ARHGAP35: variants seen among roughly 807,000 people sequenced by gnomAD.
ARHGAP35 encodes the protein Rho GTPase activating protein 35, also known as rho GTPase-activating protein 35.
In ARHGAP35, 15 loss-of-function variants were observed where a neutral mutation model predicts 111.1. That is an observed-to-expected ratio of 0.13 (90% CI 0.09 to 0.21). The LOEUF is 0.21. Ranked by LOEUF, ARHGAP35 falls within the 10% of genes least tolerant of loss-of-function variation. The pLI is 1.00. For synonymous variants in ARHGAP35, 643 were observed against 710.3 expected (o/e 0.91, Z 1.51); for missense variants, 1,262 against 1,873.0 (o/e 0.67, Z 6.02).
chr19:46,930,842 G>T (rs2056268574), intron 2 of ARHGAP35, among the ~76,000 whole-genome samples: 1 of 151,898 alleles, frequency 6.6e-6, no homozygotes, highest in Non-Finnish European at 1.5e-5. Context: ...TAGATTGGAA[G>T]TTCATTGAGG....
At chr19:46,887,157 C>A (rs1027543504) in intron 1 of ARHGAP35, among the ~76,000 whole-genome samples, 1 of 151,504 alleles carries the variant, frequency 6.6e-6, no homozygotes, top group African/African-American at 2.4e-5. Flanking sequence ...ACCTTCTACT[C>A]GTTACTGAAA....
At chr19:46,905,212 T>G (rs1427761830) in intron 1 of ARHGAP35, among the ~76,000 whole-genome samples, 1 of 152,124 alleles carries the variant, frequency 6.6e-6, no homozygotes, top group East Asian at 1.9e-4. Flanking sequence ...TTGAACTTCT[T>G]AAAAACAAAA....
chr19:46,999,483 G>A lies in ARHGAP35; in HGVS notation c.4142+74G>A, dbSNP rs2056734145. ...CCAGGGTCAGTGTGTCGCAGAACAA[G>A]GCTCTGTCCACAAGCCAGTAGAAGC... On this transcript the variant is annotated intron_variant, in intron 6 of 6. Transcript: ENST00000672722. This position sits in a 1 kb window ranked among gnomAD's most constrained non-coding sequence, Gnocchi z 5.4. 6.7e-6 allele frequency: 7 copies of A among 1,038,046 alleles called. No homozygotes were observed. In the South Asian group the frequency reaches 8.8e-5, roughly 13 times the overall value. The allele number at this position is 1,038,046 out of a possible 1,614,324, so 64.3% of individuals were successfully genotyped here.
At chr19:46,888,581 C>G (rs1443525916) in intron 1 of ARHGAP35, among the ~76,000 whole-genome samples, 1 of 151,214 alleles carries the variant, frequency 6.6e-6, no homozygotes, top group Non-Finnish European at 1.5e-5. Flanking sequence ...TCCCAGGGGT[C>G]CAATTTAGGA....
rs2056193015 is a variant in ARHGAP35, at chr19:46,920,638, A to G, written c.1963A>G (p.Thr655Ala). 46 of 1,614,034 alleles carry G rather than the reference A, an allele frequency of 2.9e-5. No homozygotes were observed. Among genetic ancestry groups the G allele is most frequent in the Non-Finnish European group, 3.9e-5 (46 of 1,179,898 alleles). Residue 655 changes from threonine (T) to alanine (A), a missense_variant, in exon 2 of 7, where the codon ACA becomes GCA. Physicochemically the swap from Thr to Ala is moderately conservative, Grantham distance 58 (BLOSUM62 0). Transcript: ENST00000672722. The surrounding 1 kb of genome is among the most constrained non-coding windows in gnomAD (Gnocchi z 7.0). ...RLPVNSFQTP[T>A]FQPHGCLCLY... Reference sequence around the variant, plus strand: ...TCCTGTGAACTCTTTCCAGACGCCAACATTTCAGCCCCACGGCTGTCTCTG... The same window carrying G: ...TCCTGTGAACTCTTTCCAGACGCCAGCATTTCAGCCCCACGGCTGTCTCTG...
chr19:46,990,937 C>T (rs1051683127), intron 5 of ARHGAP35, among the ~76,000 whole-genome samples: 2 of 152,198 alleles, frequency 1.3e-5, no homozygotes, highest in Admixed American at 6.5e-5. Context: ...TGTCCACACT[C>T]TCTTAGCTGA....
chr19:46,866,651 C>T (rs910167516), intron 1 of ARHGAP35, among the ~76,000 whole-genome samples: 13 of 152,206 alleles, frequency 8.5e-5, no homozygotes, highest in Non-Finnish European at 1.8e-4. Context: ...TCTCACCTGC[C>T]AATCCCCAAC....
intron 3 of ARHGAP35, among the ~76,000 whole-genome samples, chr19:46,970,681 C>G (rs959563908): frequency 1.3e-5 from 2 of 152,076 alleles, no homozygotes; most frequent in Non-Finnish European, 2.9e-5. Context: ...CAAGCCAGGA[C>G]GATGATGCAG....
chr19:46,864,609 G>C (rs1479341916), intron 1 of ARHGAP35, among the ~76,000 whole-genome samples: 3 of 152,154 alleles, frequency 2.0e-5, no homozygotes, highest in Non-Finnish European at 4.4e-5. Context: ...TCAAATATTA[G>C]GGCATTTGTA....
At chr19:46,983,867 G>A (rs906576841) in intron 3 of ARHGAP35, among the ~76,000 whole-genome samples, 1 of 151,772 alleles carries the variant, frequency 6.6e-6, no homozygotes, top group African/African-American at 2.4e-5. Context: ...CGCCCGCCTC[G>A]GCCTCCCAAA....
intron 2 of ARHGAP35, among the ~76,000 whole-genome samples, chr19:46,933,661 A>G (rs2056286776): frequency 1.3e-5 from 2 of 152,168 alleles, no homozygotes; most frequent in South Asian, 2.1e-4. Context: ...AGTGCTTGTA[A>G]AGAATTTATA....
intron 3 of ARHGAP35, among the ~76,000 whole-genome samples, chr19:46,953,869 C>G (rs555091262): frequency 6.6e-6 from 1 of 152,298 alleles, no homozygotes; most frequent in East Asian, 1.9e-4. Flanking sequence ...CACACGGTGT[C>G]GTGCCTCTGC....
intron 3 of ARHGAP35, chr19:46,946,449 C>A (rs1052386307): frequency 6.6e-6 from 1 of 152,248 alleles, no homozygotes; most frequent in Non-Finnish European, 1.5e-5. Context: ...TGCATAAAAT[C>A]CGGTGGCAGA....
At chr19:46,959,205 C>T (rs1471907218) in intron 3 of ARHGAP35, among the ~76,000 whole-genome samples, 4 of 151,990 alleles carry the variant, frequency 2.6e-5, no homozygotes, top group Non-Finnish European at 5.9e-5. Context: ...GTAGGGGCTA[C>T]AGGCATGCAC....
intron 1 of ARHGAP35, among the ~76,000 whole-genome samples, chr19:46,912,813 G>C (rs1334630564): frequency 6.7e-6 from 1 of 150,328 alleles, no homozygotes; most frequent in Non-Finnish European, 1.5e-5. Flanking sequence ...CCCCAACTGA[G>C]TCTTTTCAAG....
At chr19:46,998,535 A>C (rs1037400704) in intron 5 of ARHGAP35, among the ~76,000 whole-genome samples, 1 of 152,222 alleles carries the variant, frequency 6.6e-6, no homozygotes, top group African/African-American at 2.4e-5. Context: ...GCCACAGCTC[A>C]GGCCCCACAG....
At chr19:46,951,091 C>G (rs577056643) in intron 3 of ARHGAP35, among the ~76,000 whole-genome samples, 10 of 152,230 alleles carry the variant, frequency 6.6e-5, no homozygotes, top group Non-Finnish European at 1.2e-4. Flanking sequence ...TCCTCAGCTG[C>G]AAATGGAAGC....
intron 1 of ARHGAP35, among the ~76,000 whole-genome samples, chr19:46,889,033 C>T (rs1380995365): frequency 1.3e-5 from 2 of 151,602 alleles, no homozygotes; most frequent in South Asian, 4.2e-4. Flanking sequence ...AAACCCTGTT[C>T]TTGGACTGGG....
intron 3 of ARHGAP35, among the ~76,000 whole-genome samples, chr19:46,972,009 G>T (rs981111356): frequency 6.6e-6 from 1 of 151,746 alleles, no homozygotes; most frequent in Non-Finnish European, 1.5e-5. Flanking sequence ...AATAAGTGTT[G>T]TTTGTTTGTT....
Sources: gnomAD v4.1 joint callset for allele counts (sites outside exome capture counted in the v4.1 genomes callset) on GRCh38, gnomAD v4.1.1 for gene constraint, Gnocchi (gnomAD v3.1) non-coding constraint, MANE v1.5 for transcripts, NCBI Gene and HGNC (gene_info 2026-07-23, HGNC 2026-07-21) for gene names.